LMX1A: variants seen among roughly 807,000 people sequenced by gnomAD.
LMX1A encodes the protein LIM homeobox transcription factor 1-alpha.
Under a neutral mutation model 49.1 loss-of-function variants are expected in LMX1A, and 15 were observed. The observed-to-expected ratio is 0.31, with a 90% confidence interval of 0.20 to 0.47. LMX1A has a LOEUF of 0.47. Ranked by LOEUF, LMX1A falls within the 20% of genes least tolerant of loss-of-function variation. The pLI is 1.00. For synonymous variants in LMX1A, 167 were observed against 185.7 expected (o/e 0.90, Z 0.82); for missense variants, 372 against 475.8 (o/e 0.78, Z 2.03).
intron 3 of LMX1A, among the ~76,000 whole-genome samples, chr1:165,280,070 C>G (rs185185916): frequency 6.6e-4 from 101 of 152,224 alleles, no homozygotes; most frequent in Admixed American, 1.4e-3. Context: ...ACCGAGCAGG[C>G]TGAACCATGG....
chr1:165,220,880 C>A (rs1179887771), intron 4 of LMX1A, among the ~76,000 whole-genome samples: 2 of 152,064 alleles, frequency 1.3e-5, no homozygotes, highest in East Asian at 3.9e-4. Flanking sequence ...AGCTGTGTGC[C>A]CTTGGATAAA....
intron 3 of LMX1A, among the ~76,000 whole-genome samples, chr1:165,256,392 T>A (rs1195742681): frequency 6.6e-6 from 1 of 152,132 alleles, no homozygotes; most frequent in Non-Finnish European, 1.5e-5. Context: ...ATCAGAGTTG[T>A]CAAGAACTTA....
intron 4 of LMX1A, among the ~76,000 whole-genome samples, chr1:165,240,609 G>A (rs1652614165): frequency 6.6e-6 from 1 of 152,146 alleles, no homozygotes; most frequent in African/African-American, 2.4e-5. Context: ...ATTAAAGGTT[G>A]GTCAGGTGGC....
chr1:165,221,496 A>C (rs1302828369), intron 4 of LMX1A, among the ~76,000 whole-genome samples: 4 of 152,178 alleles, frequency 2.6e-5, no homozygotes, highest in Non-Finnish European at 5.9e-5. Context: ...GGAGCAGAGC[A>C]GACAGAAACC....
At chr1:165,354,603 A>C (rs928529804) in intron 2 of LMX1A, among the ~76,000 whole-genome samples, 2 of 152,084 alleles carry the variant, frequency 1.3e-5, no homozygotes, top group African/African-American at 2.4e-5. Flanking sequence ...GGGTGGGGAG[A>C]TTCCTCACTG....
chr1:165,356,338 C>G lies in LMX1A; in HGVS notation c.-23+17G>C, dbSNP rs1451099999. 1 of 152,300 alleles carries G rather than the reference C, an allele frequency of 6.6e-6. No individual in the cohort carries two copies. Among genetic ancestry groups the G allele is most frequent in the Non-Finnish European group, 1.5e-5 (1 of 68,094 alleles). 9.4% of individuals were successfully genotyped at this position (152,300 alleles called of 1,614,324 possible). A position where few individuals can be genotyped will look rare whatever the true frequency, so the allele number is the denominator to read the frequency against. On this transcript the variant is annotated intron_variant, in intron 1 of 8. Transcript: ENST00000342310. ...GCCCGCCCGAGCCACAGCCTAGGCA[C>G]GGGCAGCCTTACTTACCTGGTAGGC... is the stretch of plus-strand genomic sequence containing the variant.
chr1:165,305,985 G>A (rs1557879207), intron 3 of LMX1A, among the ~76,000 whole-genome samples: 1 of 152,172 alleles, frequency 6.6e-6, no homozygotes, highest in Non-Finnish European at 1.5e-5. Context: ...CCAAGGAGAA[G>A]TACAATGCGT....
intron 3 of LMX1A, among the ~76,000 whole-genome samples, chr1:165,322,728 T>C (rs1222381875): frequency 6.6e-6 from 1 of 152,210 alleles, no homozygotes; most frequent in Non-Finnish European, 1.5e-5. Flanking sequence ...GATGGAAATA[T>C]TCTGGAATTA....
intron 4 of LMX1A, among the ~76,000 whole-genome samples, chr1:165,247,048 C>CTTTTTTTTTTTTTTTTTTTTTTTTTT (rs1204141626): frequency 4.7e-5 from 1 of 21,424 alleles, no homozygotes; most frequent in Admixed American, 6.1e-4. Context: ...ATCAGATCAG[C>CTTTTTTTTTTTTTTTTTTTTTTTTTT]TTTTTCTTTT....
intron 4 of LMX1A, among the ~76,000 whole-genome samples, chr1:165,224,147 C>A (rs1391823688): frequency 2.6e-5 from 4 of 152,068 alleles, no homozygotes; most frequent in African/African-American, 9.7e-5. Flanking sequence ...GTGTGTGGCA[C>A]CTCTCTCCTC....
chr1:165,345,927 T>C (rs1656230122), intron 3 of LMX1A, among the ~76,000 whole-genome samples: 1 of 152,144 alleles, frequency 6.6e-6, no homozygotes, highest in African/African-American at 2.4e-5. Flanking sequence ...AAAAATGGTC[T>C]GGGCAAAAAA....
chr1:165,244,183 G>T (rs906725864), intron 4 of LMX1A, among the ~76,000 whole-genome samples: 6 of 152,242 alleles, frequency 3.9e-5, no homozygotes, highest in Admixed American at 2.0e-4. Flanking sequence ...TCCAGAGAGA[G>T]CATGGAAGCT....
chr1:165,276,576 A>G (rs2101701283), intron 3 of LMX1A, among the ~76,000 whole-genome samples: 1 of 152,202 alleles, frequency 6.6e-6, no homozygotes, highest in African/African-American at 2.4e-5. Flanking sequence ...AAAGATTGAG[A>G]TTATAATCAC....
At chr1:165,344,122 GT>G (rs1656165351) in intron 3 of LMX1A, among the ~76,000 whole-genome samples, 1 of 152,224 alleles carries the variant, frequency 6.6e-6, no homozygotes, top group Non-Finnish European at 1.5e-5. Context: ...AAGTGCTGTG[GT>G]TGAATCCAGA....
At chr1:165,287,255 T>TG in intron 3 of LMX1A, among the ~76,000 whole-genome samples, 1 of 152,256 alleles carries the variant, frequency 6.6e-6, no homozygotes. Flanking sequence ...GGGCAGAATA[T>TG]GACCAGTGAC....
At chr1:165,312,542 G>T (rs1007122738) in intron 3 of LMX1A, among the ~76,000 whole-genome samples, 1 of 152,120 alleles carries the variant, frequency 6.6e-6, no homozygotes, top group African/African-American at 2.4e-5. Context: ...AGATTGGTAG[G>T]TTCCACTTCC....
chr1:165,264,769 C>A (rs796496880), intron 3 of LMX1A, among the ~76,000 whole-genome samples: 8 of 152,012 alleles, frequency 5.3e-5, no homozygotes, highest in African/African-American at 1.9e-4. Flanking sequence ...CCAGCCTGGG[C>A]AACTTGGGGA....
Position 165,208,073 on chromosome 1 carries a change from C to T in LMX1A, c.807G>A (p.Arg269=), listed in dbSNP as rs1651169505. 1.9e-6 allele frequency: 3 copies of T among 1,613,800 alleles called. No individual in the cohort carries two copies. The highest frequency in any genetic ancestry group is 2.5e-6 in the Non-Finnish European group (3 of 1,179,966). ...GAGGCACCAGCTTACCAGAGCTCAG[C>T]CTCTGGGTGTTCTGCTGATCTTGCT... is the stretch of plus-strand genomic sequence containing the variant. ...QQQQDQQNTQ[R]LSSAQTNGGG... Residue 269 remains arginine, a synonymous_variant, in exon 7 of 9, where the codon AGG becomes AGA. Coordinates refer to ENST00000342310, the MANE Select transcript of LMX1A (RefSeq NM_177398.4).
intron 4 of LMX1A, among the ~76,000 whole-genome samples, chr1:165,247,065 T>TTTTTTTTTTTC (rs1238308097): frequency 4.6e-5 from 6 of 131,146 alleles, no homozygotes; most frequent in African/African-American, 1.7e-4. Context: ...TTTTTTTTTT[T>TTTTTTTTTTTC]TTTTTTTTTT....
Sources: allele counts gnomAD v4.1 joint callset (sites outside exome capture counted in the v4.1 genomes callset), GRCh38; gene constraint gnomAD v4.1.1; transcripts MANE v1.5; gene names NCBI Gene and HGNC (gene_info 2026-07-23, HGNC 2026-07-21).